The following CNTN4 variants were observed in gnomAD, a reference collection of about 807,000 sequenced individuals.
The protein encoded by CNTN4 is contactin-4.
Under a neutral mutation model 122.5 loss-of-function variants are expected in CNTN4, and 77 were observed. That is an observed-to-expected ratio of 0.63 (90% CI 0.52 to 0.76). The LOEUF (loss-of-function observed/expected upper bound fraction) is 0.76, where lower values mean the gene tolerates loss of function less well. Ranked by LOEUF, CNTN4 falls within the 30% of genes least tolerant of loss-of-function variation. CNTN4 has a pLI of 0.00. For synonymous variants in CNTN4, 512 were observed against 447.0 expected, an observed-to-expected ratio of 1.15 and a Z score of -1.83; for missense variants, 1,256 against 1,259.1, an observed-to-expected ratio of 1.00 and a Z score of 0.04.
chr3:2,927,140 A>G (rs894577058), intron 13 of CNTN4, among the ~76,000 whole-genome samples: 1 of 152,224 alleles, frequency 6.6e-6, no homozygotes, highest in Non-Finnish European at 1.5e-5. Context: ...GACACTAAGA[A>G]AATAATAATA....
chr3:2,763,160 T>C (rs1438710135), intron 6 of CNTN4, among the ~76,000 whole-genome samples: 5 of 152,140 alleles, frequency 3.3e-5, no homozygotes, highest in Non-Finnish European at 7.3e-5. Context: ...TTAGCCAGGA[T>C]GGTTTCGATC....
At chr3:2,734,880 G>A (rs758998839) in intron 4 of CNTN4, among the ~76,000 whole-genome samples, 1 of 152,258 alleles carries the variant, frequency 6.6e-6, no homozygotes, top group East Asian at 1.9e-4. Context: ...ACTGCCAGTT[G>A]CAGGGTGATA....
intron 4 of CNTN4, among the ~76,000 whole-genome samples, chr3:2,732,326 G>A (rs1405074789): frequency 2.0e-5 from 3 of 152,054 alleles, no homozygotes; most frequent in African/African-American, 7.2e-5. Context: ...TAGTCAGTCT[G>A]GACTGAGGTT....
At chr3:2,797,920 A>ATT (rs10684232) in intron 6 of CNTN4, among the ~76,000 whole-genome samples, 59,235 of 137,632 alleles carry the variant, frequency 0.43, 13,924 homozygotes, top group South Asian at 0.56. Context: ...CACACTGAGT[A>ATT]TTTTTTTTTT....
Position 2,790,576 on chromosome 3 carries a change from T to A in CNTN4, c.359-28910T>A, listed in dbSNP as rs550778780. Among the ~76,000 whole-genome samples the A allele has an allele frequency of 3.9e-5, 6 of 152,250 alleles. No homozygotes were observed. In the East Asian group the frequency reaches 1.2e-3, roughly 29 times the overall value. Reference sequence around the variant, plus strand: ...TGTGCAGTGTTCTGCTTGAGAACTTTCTGTTTAACATGCCAGGCAAATCAG... The same window carrying A: ...TGTGCAGTGTTCTGCTTGAGAACTTACTGTTTAACATGCCAGGCAAATCAG... On this transcript the variant is annotated intron_variant, in intron 6 of 24. Transcript: ENST00000418658.
intron 2 of CNTN4, among the ~76,000 whole-genome samples, chr3:2,133,953 C>T (rs541198610): frequency 6.6e-6 from 1 of 152,210 alleles, no homozygotes; most frequent in African/African-American, 2.4e-5. Flanking sequence ...AGCTATATTT[C>T]TCTTGTTTGA....
intron 4 of CNTN4, among the ~76,000 whole-genome samples, chr3:2,624,610 A>G (rs2082112046): frequency 6.7e-6 from 1 of 149,806 alleles, no homozygotes; most frequent in Non-Finnish European, 1.5e-5. Context: ...CTTGGCTCTT[A>G]ATTGGAATTT....
At chr3:2,581,930 G>C (rs954935118) in intron 4 of CNTN4, among the ~76,000 whole-genome samples, 1 of 152,158 alleles carries the variant, frequency 6.6e-6, no homozygotes, top group Non-Finnish European at 1.5e-5. Context: ...TTTATGGACT[G>C]TCCAGAATAG....
chr3:3,032,886 A>G (rs1356588716), intron 16 of CNTN4, among the ~76,000 whole-genome samples: 1 of 152,224 alleles, frequency 6.6e-6, no homozygotes, highest in African/African-American at 2.4e-5. Context: ...CAAAGTTGGT[A>G]AACATTCTGT....
At chr3:2,804,737 C>CTTTAGTTTTTTTTTTTT (rs1553643947) in intron 6 of CNTN4, among the ~76,000 whole-genome samples, 12 of 144,868 alleles carry the variant, frequency 8.3e-5, no homozygotes, top group Admixed American at 1.4e-4. Context: ...ATTTTGAGCA[C>CTTTAGTTTTTTTTTTTT]TTTTTTTTTG....
At chr3:2,703,658 A>C (rs1048974813) in intron 4 of CNTN4, among the ~76,000 whole-genome samples, 3 of 152,144 alleles carry the variant, frequency 2.0e-5, no homozygotes, top group African/African-American at 7.2e-5. Flanking sequence ...AAATAAAACC[A>C]TAAAGAAGTT....
intron 4 of CNTN4, among the ~76,000 whole-genome samples, chr3:2,613,965 C>T (rs1193952615): frequency 7.2e-5 from 11 of 152,070 alleles, no homozygotes; most frequent in African/African-American, 2.2e-4. Context: ...TTCTAACCCT[C>T]GTGGATACAG....
At chr3:2,847,609 G>T (rs1259832560) in intron 7 of CNTN4, among the ~76,000 whole-genome samples, 1 of 152,162 alleles carries the variant, frequency 6.6e-6, no homozygotes, top group Non-Finnish European at 1.5e-5. Flanking sequence ...GGATAACCAG[G>T]CAATTTGTGG....
chr3:2,567,224 C>G (rs1013332573), intron 3 of CNTN4, among the ~76,000 whole-genome samples: 1 of 151,922 alleles, frequency 6.6e-6, no homozygotes, highest in Non-Finnish European at 1.5e-5. Context: ...GTAGCTGGGA[C>G]TACAGGCATG....
intron 3 of CNTN4, among the ~76,000 whole-genome samples, chr3:2,415,620 C>T (rs1014296305): frequency 6.6e-6 from 1 of 152,134 alleles, no homozygotes; most frequent in African/African-American, 2.4e-5. Context: ...GTATACATTT[C>T]TGTGGGACCC....
At chr3:2,794,093 A>G (rs1318190939) in intron 6 of CNTN4, among the ~76,000 whole-genome samples, 1 of 152,212 alleles carries the variant, frequency 6.6e-6, no homozygotes, top group Non-Finnish European at 1.5e-5. Flanking sequence ...TCTGTTAGGC[A>G]TGCTTTCCTG....
rs80156601 is a variant in CNTN4, at chr3:2,828,502, T to C, written c.454+8921T>C. On this transcript the variant is annotated intron_variant, in intron 7 of 24. Transcript: ENST00000418658. ...GGGAGTGGCATTGAAATACTGCTAC[T>C]ATGCCATTTTCCAAGAATGTTGAGG... Among the ~76,000 whole-genome samples the C allele has an allele frequency of 1.8e-3, 271 of 152,316 alleles. 2 individuals are homozygous for C. In the East Asian group the frequency reaches 0.049, roughly 27 times the overall value.
intron 4 of CNTN4, among the ~76,000 whole-genome samples, chr3:2,590,882 G>A (rs1481813727): frequency 6.6e-6 from 1 of 151,452 alleles, no homozygotes; most frequent in Non-Finnish European, 1.5e-5. Flanking sequence ...AAAAAAAAAA[G>A]CTGTATTGAA....
At chr3:2,489,101 A>G (rs2076243578) in intron 3 of CNTN4, among the ~76,000 whole-genome samples, 1 of 152,114 alleles carries the variant, frequency 6.6e-6, no homozygotes, top group African/African-American at 2.4e-5. Flanking sequence ...TATTTTCCAC[A>G]TTAGCATGTA....
Sources: allele counts gnomAD v4.1 joint callset (sites outside exome capture counted in the v4.1 genomes callset), GRCh38; gene constraint gnomAD v4.1.1; transcripts MANE v1.5; gene names NCBI Gene and HGNC (gene_info 2026-07-23, HGNC 2026-07-21).